The following GREB1 variants were observed in gnomAD, a reference collection of about 807,000 sequenced individuals.
GREB1 encodes the protein growth regulating estrogen receptor binding 1.
GREB1 carries 106 observed loss-of-function variants against 200.7 expected under a neutral mutation model. The ratio of observed to expected loss-of-function variants is 0.53; its 90% CI spans 0.45 to 0.62. The LOEUF is 0.62. GREB1 is among the 20% of genes least tolerant of loss of function. GREB1 has a pLI of 0.00. For missense variants in GREB1, 2,243 were observed against 2,556.8 expected, an observed-to-expected ratio of 0.88 and a Z score of 2.65; for synonymous variants, 1,132 against 1,092.4, an observed-to-expected ratio of 1.04 and a Z score of -0.72.
chr2:11,593,363 T>C (rs1485255244), intron 11 of GREB1, among the ~76,000 whole-genome samples: 1 of 152,192 alleles, frequency 6.6e-6, no homozygotes, highest in Non-Finnish European at 1.5e-5. Context: ...CTTGGGAATG[T>C]GGAAAGACCC....
At chr2:11,630,359 C>T (rs901418953) in intron 26 of GREB1, among the ~76,000 whole-genome samples, 3 of 152,222 alleles carry the variant, frequency 2.0e-5, no homozygotes, top group African/African-American at 7.2e-5. Flanking sequence ...CTCATTGTTA[C>T]ATTGGAGAGT....
Position 11,585,265 on chromosome 2 carries a change from G to T in GREB1, c.1006G>T (p.Ala336Ser). 6.5e-7 allele frequency: 1 copy of T among 1,533,896 alleles called. No individual in the cohort carries two copies. Among genetic ancestry groups the T allele is most frequent in the Non-Finnish European group, 8.8e-7 (1 of 1,140,044 alleles). ...CTGCCCCCAAGGTGGTGGGAACAGA[G>T]CTAAGTATGGTAAGTGATGGCAGCC... ...GGCPQGGGNR[A>S]KYESAGMSCV... Residue 336 changes from alanine to serine, a missense_variant, in exon 8 of 33, where the codon GCT becomes TCT. This residue lies in a region of GREB1 where 1,178 missense variants were observed against 1,387.4 expected (regional missense o/e 0.85). Coordinates refer to ENST00000381486, the MANE Select transcript of GREB1 (RefSeq NM_014668.4).
At position 11,634,136 on chromosome 2, in the gene GREB1, TCTC is replaced by T. The variant is rs1298604945; in HGVS notation, c.5000_5002del (p.Ser1667del). 3.7e-6 allele frequency: 6 copies of T among 1,614,008 alleles called. No individual in the cohort carries two copies. Among genetic ancestry groups the T allele is most frequent in the East Asian group, 2.2e-5 (1 of 44,882 alleles). On this transcript the variant is annotated inframe_deletion, in exon 29 of 33. Coordinates refer to ENST00000381486, the MANE Select transcript of GREB1 (RefSeq NM_014668.4). ...ACTCTCCCTCCTTGGAGCAGGGAGTTCTCCTGGTCGGAAAGGAACGTGTCTTTG... is the reference window on the plus strand; with the variant it reads ...ACTCTCCCTCCTTGGAGCAGGGAGTTCTGGTCGGAAAGGAACGTGTCTTTG...
At chr2:11,504,254 T>C (rs1028585647) in intron 1 of GREB1, among the ~76,000 whole-genome samples, 3 of 152,038 alleles carry the variant, frequency 2.0e-5, no homozygotes, top group Non-Finnish European at 1.5e-5. Flanking sequence ...AGGTGGGAGA[T>C]TTCATCATGC....
Position 11,618,630 on chromosome 2 carries a change from C to T in GREB1, c.3755C>T (p.Ala1252Val), listed in dbSNP as rs777378131. The T allele has an allele frequency of 8.1e-6, 13 of 1,613,330 alleles. No homozygotes were observed. The South Asian group carries it at 8.8e-5, about 11-fold the overall frequency. Residue 1252 changes from alanine (A) to valine (V), a missense_variant, in exon 22 of 33, where the codon GCC becomes GTC. Ala to Val is a moderately conservative substitution (Grantham distance 64). Transcript: ENST00000381486. The part of the protein sequence containing the change: ...LQASQCSLTK[A>V]CRQPPIVFLP... Reference sequence around the variant, plus strand: ...GCCTCCCAGTGCTCCTTGACCAAGGCCTGCCGCCAGCCACCCATTGTCTTC... The same window carrying T: ...GCCTCCCAGTGCTCCTTGACCAAGGTCTGCCGCCAGCCACCCATTGTCTTC...
intron 22 of GREB1, 94 bp from the exon 23 acceptor site, chr2:11,620,811 G>C (rs1683945214): frequency 1.4e-6 from 1 of 722,374 alleles, no homozygotes. Flanking sequence ...CTTCAAGTGA[G>C]GCAGATGTCA....
At chr2:11,625,715 G>T (rs894739150) in intron 24 of GREB1, among the ~76,000 whole-genome samples, 1 of 152,142 alleles carries the variant, frequency 6.6e-6, no homozygotes. Context: ...GTGTGCTGGC[G>T]CTGCAGTGTA....
intron 23 of GREB1, among the ~76,000 whole-genome samples, chr2:11,622,852 C>G (rs1684118658): frequency 6.6e-6 from 1 of 152,180 alleles, no homozygotes; most frequent in Admixed American, 6.5e-5. Flanking sequence ...GGAAGTCAGA[C>G]TTAGGGACAG....
At chr2:11,594,012 C>CT (rs35665119) in intron 11 of GREB1, among the ~76,000 whole-genome samples, 12 of 151,540 alleles carry the variant, frequency 7.9e-5, no homozygotes, top group East Asian at 2.0e-4. Context: ...ATTTAATGCA[C>CT]TTTTTTTTTG....
At chr2:11,621,204 A>G (rs1683986678) in intron 23 of GREB1, among the ~76,000 whole-genome samples, 197 bp downstream of exon 23, 1 of 141,714 alleles carries the variant, frequency 7.1e-6, no homozygotes, top group South Asian at 2.4e-4. Flanking sequence ...TGATACAATT[A>G]TGATTATTAG....
intron 20 of GREB1, among the ~76,000 whole-genome samples, chr2:11,615,495 G>T (rs1211510931): frequency 6.6e-6 from 1 of 152,266 alleles, no homozygotes; most frequent in Non-Finnish European, 1.5e-5. Context: ...GATTTTGTTT[G>T]TTTTCTCCCC....
intron 1 of GREB1, among the ~76,000 whole-genome samples, chr2:11,500,933 T>C (rs1673021104): frequency 6.6e-6 from 1 of 152,040 alleles, no homozygotes; most frequent in South Asian, 2.1e-4. Context: ...TTAAATGAGA[T>C]ATGAGAAAGG....
At chr2:11,611,614 C>G (rs1442056373) in intron 18 of GREB1, among the ~76,000 whole-genome samples, 8 of 152,328 alleles carry the variant, frequency 5.3e-5, no homozygotes, top group African/African-American at 1.9e-4. Flanking sequence ...TTCTGCAGCA[C>G]TTAGGTTGGT....
chr2:11,504,517 T>C (rs1313048335), intron 1 of GREB1, among the ~76,000 whole-genome samples: 1 of 152,238 alleles, frequency 6.6e-6, no homozygotes, highest in Non-Finnish European at 1.5e-5. Context: ...AAAGAAATCC[T>C]GCATCTATGA....
chr2:11,538,816 C>A (rs1159378698), intron 1 of GREB1, among the ~76,000 whole-genome samples: 1 of 127,436 alleles, frequency 7.8e-6, no homozygotes, highest in African/African-American at 2.9e-5. Flanking sequence ...TTCCTTCCTT[C>A]CTCCCTCCCT....
At position 11,618,908 on chromosome 2, in the gene GREB1, G is replaced by A. The variant is rs757279963; in HGVS notation, c.4033G>A (p.Gly1345Ser). 24 of 1,524,570 alleles carry A rather than the reference G, an allele frequency of 1.6e-5. No homozygotes were observed. The highest frequency in any genetic ancestry group is 3.8e-5 in the Admixed American group (2 of 52,850). The allele number at this position is 1,524,570 out of a possible 1,614,324, so 94.4% of individuals were successfully genotyped here. A position where few individuals can be genotyped will look rare whatever the true frequency, so the allele number is the denominator to read the frequency against. ...GFHPRRLLLSGPPQIGKTGAY... is the reference protein window; with the variant it reads ...GFHPRRLLLSSPPQIGKTGAY... ...CCACCCCCGCAGGCTGCTGCTCAGCGGCCCCCCTCAGGTGAGTGTTGCTCG... is the reference window on the plus strand; with the variant it reads ...CCACCCCCGCAGGCTGCTGCTCAGCAGCCCCCCTCAGGTGAGTGTTGCTCG... The change falls in exon 22 of 33, where the codon GGC (glycine) becomes AGC (serine). Residue 1345 changes from glycine (G) to serine (S), a missense_variant. Coordinates refer to ENST00000381486, the MANE Select transcript of GREB1 (RefSeq NM_014668.4).
chr2:11,627,115 G>T lies in GREB1; in HGVS notation c.4449+11G>T. 6.4e-7 allele frequency: 1 copy of T among 1,572,278 alleles called. No individual in the cohort carries two copies. The highest frequency in any genetic ancestry group is 8.6e-7 in the Non-Finnish European group (1 of 1,158,728). On this transcript the variant is annotated intron_variant, in intron 25 of 32. Transcript: ENST00000381486. ...CACCCCCGCTACCAGGTAGGCCCCA[G>T]CAGTTCCCCACCAGGCATTTCACCT...
Position 11,597,646 on chromosome 2 carries a change from G to A in GREB1, c.1955-135G>A. 4 of 744,960 alleles carry A rather than the reference G, an allele frequency of 5.4e-6. No homozygotes were observed. In the South Asian group the frequency reaches 6.5e-5, roughly 12 times the overall value. 46.1% of individuals were successfully genotyped at this position (744,960 alleles called of 1,614,324 possible). A position where few individuals can be genotyped will look rare whatever the true frequency, so the allele number is the denominator to read the frequency against. ...GAGAGCAGGGACTTGATAAACGTGA[G>A]TTATTCCCCTTTCCCTCATCGCTTT... is the stretch of plus-strand genomic sequence containing the variant. On this transcript the variant is annotated intron_variant, in intron 13 of 32. Transcript: ENST00000381486. This position sits in a 1 kb window ranked among gnomAD's most constrained non-coding sequence, Gnocchi z 4.1.
At position 11,541,443 on chromosome 2, in the gene GREB1, G is replaced by A. The variant is rs529999493; in HGVS notation, c.-162+7189G>A. 1.7e-3 allele frequency among the ~76,000 whole-genome samples: 246 copies of A among 141,680 alleles called. 1 individual carries two copies. Among genetic ancestry groups the A allele is most frequent in the African/African-American group, 5.8e-3 (235 of 40,546 alleles). 92.9% of individuals were successfully genotyped at this position (141,680 alleles called of 152,430 possible). A position where few individuals can be genotyped will look rare whatever the true frequency, so the allele number is the denominator to read the frequency against. ...ATCCGCGAGTGAGTGGATGGCAAGTGAGAGGGGGGCCATGGGGATCGGAAC... is the reference window on the plus strand; with the variant it reads ...ATCCGCGAGTGAGTGGATGGCAAGTAAGAGGGGGGCCATGGGGATCGGAAC... On this transcript the variant is annotated intron_variant, in intron 1 of 32. Transcript: ENST00000381486.
Sources: allele counts gnomAD v4.1 joint callset (sites outside exome capture counted in the v4.1 genomes callset), GRCh38; gene constraint gnomAD v4.1.1; regional missense constraint gnomAD v4.1.1; non-coding constraint Gnocchi (gnomAD v3.1); transcripts MANE v1.5; gene names NCBI Gene and HGNC (gene_info 2026-07-23, HGNC 2026-07-21).